RAD54L: variants seen among roughly 807,000 people sequenced by gnomAD.
RAD54L encodes the protein DNA repair and recombination protein RAD54-like.
RAD54L carries 74 observed loss-of-function variants against 91.6 expected under a neutral mutation model. The observed-to-expected ratio is 0.81, with a 90% CI of 0.67 to 0.98. The LOEUF (loss-of-function observed/expected upper bound fraction) is 0.98, where lower values mean the gene tolerates loss of function less well. Among genes scored for constraint, RAD54L ranks in the 50% least tolerant of loss-of-function variants. The pLI is 0.00. For synonymous variants in RAD54L, 304 were observed against 349.7 expected (o/e 0.87, Z 1.46); for missense variants, 887 against 945.7 (o/e 0.94, Z 0.81).
In RAD54L at chr1:46,267,446, G is replaced by A; in HGVS notation, c.892-13G>A. 1 of 1,613,780 alleles carries A rather than the reference G, an allele frequency of 6.2e-7. No individual in the cohort carries two copies. The highest frequency in any genetic ancestry group is 8.5e-7 in the Non-Finnish European group (1 of 1,180,012). ...AATGCCACATTGCGCTCTGAATAAGGATTCTCTTGCAGGGACACAGGCTCA... is the reference window on the plus strand; with the variant it reads ...AATGCCACATTGCGCTCTGAATAAGAATTCTCTTGCAGGGACACAGGCTCA... On this transcript the variant is annotated splice_polypyrimidine_tract_variant and intron_variant, in intron 8 of 17. Transcript: ENST00000371975.
chr1:46,275,967 A>T (rs6698457), intron 16 of RAD54L, among the ~76,000 whole-genome samples: 2,161 of 150,086 alleles, frequency 0.014, 44 homozygotes, highest in African/African-American at 0.042. Context: ...AAAAAAAAAA[A>T]TTTTTTTTCT....
chr1:46,270,977 G>A (rs900924970), intron 10 of RAD54L, among the ~76,000 whole-genome samples, 192 bp downstream of exon 10: 3 of 152,178 alleles, frequency 2.0e-5, no homozygotes, highest in South Asian at 2.1e-4. Flanking sequence ...TCTGGCTTGG[G>A]CTCTGTGGTC....
chr1:46,272,057 T>TTTTTC (rs1660447297), intron 10 of RAD54L, among the ~76,000 whole-genome samples: 1 of 116,672 alleles, frequency 8.6e-6, no homozygotes, highest in Non-Finnish European at 1.9e-5. Context: ...TTTTTTTTTT[T>TTTTTC]TTGAGATGGA....
At chr1:46,276,803 T>C (rs1660617673) in intron 16 of RAD54L, among the ~76,000 whole-genome samples, 2 of 152,198 alleles carry the variant, frequency 1.3e-5, no homozygotes. Context: ...ATCCAAGGTT[T>C]GTTTTTTGTT....
At chr1:46,261,195 G>GTTTTTTTTTTTTTTT (rs1277499745) in intron 7 of RAD54L, 66 bp from the exon 8 acceptor site, 1 of 1,554,950 alleles carries the variant, frequency 6.4e-7, no homozygotes, top group African/African-American at 1.4e-5. Context: ...CTGTCTAATT[G>GTTTTTTTTTTTTTTT]TTTTTTTTGT....
chr1:46,272,563 G>A lies in RAD54L; in HGVS notation c.1244+23G>A, dbSNP rs1320288718. On this transcript the variant is annotated intron_variant, in intron 11 of 17. Coordinates refer to ENST00000371975, the MANE Select transcript of RAD54L (RefSeq NM_003579.4). ...TAGGTACTGAACTCAACTGAAAGAT[G>A]TGGAGTGGGTCAAAGCCTAGCTCCT... 1.3e-5 allele frequency: 21 copies of A among 1,608,526 alleles called. No individual in the cohort carries two copies. In the Admixed American group the frequency reaches 3.0e-4, roughly 23 times the overall value.
chr1:46,273,875 T>C, intron 14 of RAD54L, 128 bp downstream of exon 14: 3 of 1,351,956 alleles, frequency 2.2e-6, no homozygotes, highest in Non-Finnish European at 3.1e-6. Flanking sequence ...TATCTTCCCT[T>C]ATTGCTATGA....
chr1:46,255,524 A>T (rs1258474), intron 3 of RAD54L, among the ~76,000 whole-genome samples: 7 of 136,828 alleles, frequency 5.1e-5, no homozygotes, highest in Admixed American at 1.5e-4. Flanking sequence ...TTTGAGACAT[A>T]GTCTTGCTCT....
chr1:46,271,874 T>C lies in RAD54L; in HGVS notation c.1170-592T>C, dbSNP rs568025842. 6.6e-5 allele frequency among the ~76,000 whole-genome samples: 10 copies of C among 152,134 alleles called. No homozygotes were observed. In the East Asian group the frequency reaches 1.7e-3, roughly 26 times the overall value. Reference sequence around the variant, plus strand: ...CTTGCTTTTCCTGTTAGAGCTCCTGTATCAATGGGAAGCCTCAGTCTTCTC... The same window carrying C: ...CTTGCTTTTCCTGTTAGAGCTCCTGCATCAATGGGAAGCCTCAGTCTTCTC... On this transcript the variant is annotated intron_variant, in intron 10 of 17. Coordinates refer to ENST00000371975, the MANE Select transcript of RAD54L (RefSeq NM_003579.4).
intron 9 of RAD54L, 94 bp downstream of exon 9, chr1:46,267,703 A>G: frequency 6.8e-7 from 1 of 1,467,898 alleles, no homozygotes; most frequent in Non-Finnish European, 9.4e-7. Flanking sequence ...AGAGAATGCT[A>G]GTTATATGTG....
In RAD54L at chr1:46,272,701, A is replaced by T; in HGVS notation, c.1274A>T (p.Lys425Met). 1 of 1,614,170 alleles carries T rather than the reference A, an allele frequency of 6.2e-7. No individual in the cohort carries two copies. The highest frequency in any genetic ancestry group is 8.5e-7 in the Non-Finnish European group (1 of 1,180,036). ...ACACCCCTTCAGACTGAGTTATACA[A>T]GAGGTTTCTGAGACAAGCCAAACCG... ...RLTPLQTELY[K>M]RFLRQAKPAE... The change falls in exon 12 of 18, where the codon AAG becomes ATG. Residue 425 changes from lysine (K) to methionine (M), a missense_variant. Lys to Met is a moderately conservative substitution (Grantham distance 95). Transcript: ENST00000371975.
chr1:46,264,855 G>T (rs1055221154), intron 8 of RAD54L, among the ~76,000 whole-genome samples: 1 of 152,208 alleles, frequency 6.6e-6, no homozygotes, highest in African/African-American at 2.4e-5. Flanking sequence ...GGTTGTCCCT[G>T]TGCTCCTCAT....
intron 9 of RAD54L, among the ~76,000 whole-genome samples, chr1:46,267,981 T>C (rs1660314400): frequency 6.6e-6 from 1 of 152,242 alleles, no homozygotes; most frequent in African/African-American, 2.4e-5. Flanking sequence ...AAAATCATTT[T>C]AACCATTTTT....
At chr1:46,251,910 CAAAAG>C (rs1659808409) in intron 3 of RAD54L, among the ~76,000 whole-genome samples, 1 of 152,122 alleles carries the variant, frequency 6.6e-6, no homozygotes, top group African/African-American at 2.4e-5. Context: ...GACCCCGTCT[CAAAAG>C]AAAGAAAATG....
intron 2 of RAD54L, 121 bp from the exon 3 acceptor site, chr1:46,249,879 A>G (rs745734468): frequency 9.5e-7 from 1 of 1,050,224 alleles, no homozygotes; most frequent in Non-Finnish European, 1.5e-6. Flanking sequence ...ATGATACACT[A>G]TGACATGTGT....
intron 16 of RAD54L, chr1:46,277,343 A>G (rs1660639833): frequency 4.8e-6 from 1 of 208,990 alleles, no homozygotes; most frequent in South Asian, 8.2e-5. Flanking sequence ...ATGGACTCGC[A>G]GTTACCCTGT....
chr1:46,274,452 G>C (rs1359558229), intron 15 of RAD54L, 86 bp from the exon 16 acceptor site: 5 of 1,472,158 alleles, frequency 3.4e-6, no homozygotes, highest in Non-Finnish European at 4.7e-6. Context: ...GTAGTATAGA[G>C]GCATGAGGGA....
chr1:46,273,003 A>C (rs1569612035), intron 12 of RAD54L, among the ~76,000 whole-genome samples: 1 of 152,164 alleles, frequency 6.6e-6, no homozygotes, highest in Admixed American at 6.5e-5. Context: ...AATTGAACTC[A>C]TCTTCTGTCC....
At position 46,260,081 on chromosome 1, in the gene RAD54L, A is replaced by C; in HGVS notation, c.389A>C (p.Asp130Ala). ...GAGCCTCCCCCGCTGAGCGCTCATG[A>C]CCAGCTGAAGCTTGACAAGTATGTG... Reference protein sequence around the residue: ...LYEPPPLSAHDQLKLDKEKLP... With the variant: ...LYEPPPLSAHAQLKLDKEKLP... The change falls in exon 5 of 18, where the codon GAC becomes GCC. Residue 130 changes from aspartate to alanine, a missense_variant. Coordinates refer to ENST00000371975, the MANE Select transcript of RAD54L (RefSeq NM_003579.4). The C allele has an allele frequency of 6.2e-7, 1 of 1,614,212 alleles. No homozygotes were observed. Among genetic ancestry groups the C allele is most frequent in the Non-Finnish European group, 8.5e-7 (1 of 1,180,042 alleles).
Sources: gnomAD v4.1 joint callset for allele counts (sites outside exome capture counted in the v4.1 genomes callset) on GRCh38, gnomAD v4.1.1 for gene constraint, MANE v1.5 for transcripts, NCBI Gene and HGNC (gene_info 2026-07-23, HGNC 2026-07-21) for gene names.